DNAJC3: variants seen among roughly 807,000 people sequenced by gnomAD.
DNAJC3 encodes dnaJ homolog subfamily C member 3.
In DNAJC3, 38 loss-of-function variants were observed where a neutral mutation model predicts 68.6. The ratio of observed to expected loss-of-function variants is 0.55; its 90% confidence interval spans 0.43 to 0.73. DNAJC3 has a LOEUF of 0.73. DNAJC3 is among the 30% of genes least tolerant of loss of function. The probability of loss-of-function intolerance (pLI) is 0.00; values close to 1 mark genes in which losing one functional copy is unlikely to be tolerated. For synonymous variants in DNAJC3, 203 were observed against 204.0 expected (o/e 1.00, Z 0.04); for missense variants, 526 against 591.9 (o/e 0.89, Z 1.16).
chr13:95,763,472 G>T (rs1882883154), intron 7 of DNAJC3, among the ~76,000 whole-genome samples, 171 bp from the exon 8 acceptor site: 1 of 152,152 alleles, frequency 6.6e-6, no homozygotes, highest in Non-Finnish European at 1.5e-5. Flanking sequence ...TCTTAATTAT[G>T]GAGTGTACCT....
intron 9 of DNAJC3, among the ~76,000 whole-genome samples, chr13:95,764,412 C>T (rs1882916445): frequency 7.0e-6 from 1 of 143,052 alleles, no homozygotes; most frequent in African/African-American, 2.6e-5. Context: ...GTGTATAAAA[C>T]ATAAATACAG....
intron 7 of DNAJC3, among the ~76,000 whole-genome samples, chr13:95,762,600 A>G (rs1882859322): frequency 6.6e-6 from 1 of 152,190 alleles, no homozygotes; most frequent in Non-Finnish European, 1.5e-5. Flanking sequence ...CTTTCCCAGA[A>G]GCTGGCTTTT....
At chr13:95,730,689 T>C (rs1333374004) in intron 4 of DNAJC3, among the ~76,000 whole-genome samples, 1 of 152,240 alleles carries the variant, frequency 6.6e-6, no homozygotes, top group Non-Finnish European at 1.5e-5. Context: ...TTTATACCAA[T>C]ACCATGCTGT....
intron 11 of DNAJC3, among the ~76,000 whole-genome samples, chr13:95,787,953 CAGTGGG>C (rs1361835521): frequency 2.0e-5 from 3 of 152,148 alleles, no homozygotes; most frequent in Non-Finnish European, 4.4e-5. Context: ...CCTTCCATGT[CAGTGGG>C]AACAGCAGCT....
intron 2 of DNAJC3, among the ~76,000 whole-genome samples, chr13:95,719,559 C>T (rs1478200197): frequency 6.6e-6 from 1 of 152,200 alleles, no homozygotes; most frequent in Non-Finnish European, 1.5e-5. Flanking sequence ...TGGTGCCCAG[C>T]TACCAGCCGT....
At chr13:95,773,224 T>A (rs1883205096) in intron 9 of DNAJC3, among the ~76,000 whole-genome samples, 1 of 147,830 alleles carries the variant, frequency 6.8e-6, no homozygotes, top group African/African-American at 2.5e-5. Flanking sequence ...CAGGCTGGAA[T>A]GTAGTGGCAC....
At chr13:95,682,772 G>A (rs566516669) in intron 1 of DNAJC3, among the ~76,000 whole-genome samples, 11 of 152,216 alleles carry the variant, frequency 7.2e-5, no homozygotes, top group African/African-American at 2.4e-4. Flanking sequence ...CCAATAATTC[G>A]CAAATAATTT....
chr13:95,778,244 A>G (rs940769311), intron 9 of DNAJC3, among the ~76,000 whole-genome samples: 1 of 152,240 alleles, frequency 6.6e-6, no homozygotes, highest in Non-Finnish European at 1.5e-5. Flanking sequence ...TGGAGACATT[A>G]CACTTAATAA....
chr13:95,716,362 G>T (rs1277344567), intron 2 of DNAJC3, among the ~76,000 whole-genome samples: 1 of 152,130 alleles, frequency 6.6e-6, no homozygotes, highest in African/African-American at 2.4e-5. Context: ...CCGGCCCCAC[G>T]GCAATGTCTA....
chr13:95,747,877 A>G (rs1371438330), intron 4 of DNAJC3, among the ~76,000 whole-genome samples: 2 of 152,226 alleles, frequency 1.3e-5, no homozygotes. Context: ...GGATTGTTCA[A>G]ATTGTCCATG....
rs1243066516 is a variant in DNAJC3, at chr13:95,774,773, A to G, written c.1075+10820A>G. Among the ~76,000 whole-genome samples, 3 of 152,212 alleles carry G rather than the reference A, an allele frequency of 2.0e-5. No individual in the cohort carries two copies. The East Asian group carries it at 5.8e-4, about 29-fold the overall frequency. On this transcript the variant is annotated intron_variant, in intron 9 of 11. Transcript: ENST00000602402. Reference sequence around the variant, plus strand: ...ACTCTTTTTCTTGAAGTTTTATATGATATTAATAGAATCACCTCTGCCTTC... The same window carrying G: ...ACTCTTTTTCTTGAAGTTTTATATGGTATTAATAGAATCACCTCTGCCTTC...
chr13:95,734,552 C>A (rs73550601), intron 4 of DNAJC3, among the ~76,000 whole-genome samples: 1 of 152,118 alleles, frequency 6.6e-6, no homozygotes, highest in Admixed American at 6.5e-5. Context: ...TGTCTATCGA[C>A]GTCTAAATCT....
intron 4 of DNAJC3, among the ~76,000 whole-genome samples, chr13:95,754,968 G>T (rs1224243091): frequency 6.6e-6 from 1 of 152,074 alleles, no homozygotes; most frequent in African/African-American, 2.4e-5. Context: ...ATAAAATATT[G>T]TTACAGGAAG....
At chr13:95,743,315 G>A (rs1882205375) in intron 4 of DNAJC3, among the ~76,000 whole-genome samples, 2 of 152,232 alleles carry the variant, frequency 1.3e-5, no homozygotes, top group South Asian at 4.1e-4. Flanking sequence ...TGGGCAGTGA[G>A]TACTTATAGA....
intron 4 of DNAJC3, among the ~76,000 whole-genome samples, chr13:95,729,550 G>A (rs1881646546): frequency 6.6e-6 from 1 of 152,040 alleles, no homozygotes; most frequent in South Asian, 2.1e-4. Context: ...TGATTGTATA[G>A]TAGTTCTATT....
intron 4 of DNAJC3, among the ~76,000 whole-genome samples, chr13:95,751,046 G>A (rs1409325180): frequency 6.6e-6 from 1 of 152,098 alleles, no homozygotes; most frequent in African/African-American, 2.4e-5. Flanking sequence ...ACCAACCTAG[G>A]CAACATAGTG....
chr13:95,710,676 G>GTTTTGT (rs572891053), intron 2 of DNAJC3, among the ~76,000 whole-genome samples: 1,886 of 146,172 alleles, frequency 0.013, 48 homozygotes, highest in African/African-American at 0.05. Context: ...GTTTTGTTTT[G>GTTTTGT]TTTTGTTTTT....
At chr13:95,698,127 C>T (rs890257952) in intron 1 of DNAJC3, among the ~76,000 whole-genome samples, 9 of 151,902 alleles carry the variant, frequency 5.9e-5, no homozygotes, top group African/African-American at 2.2e-4. Flanking sequence ...CCCCAACCTG[C>T]CTTGTGCCTA....
At chr13:95,718,409 C>T (rs1342316104) in intron 2 of DNAJC3, among the ~76,000 whole-genome samples, 1 of 152,148 alleles carries the variant, frequency 6.6e-6, no homozygotes, top group Non-Finnish European at 1.5e-5. Flanking sequence ...CCCCATGCCT[C>T]TAAGAAAATT....
Sources: allele counts gnomAD v4.1 joint callset (sites outside exome capture counted in the v4.1 genomes callset), GRCh38; gene constraint gnomAD v4.1.1; transcripts MANE v1.5; gene names NCBI Gene and HGNC (gene_info 2026-07-23, HGNC 2026-07-21).